Variants in COLEC10 observed in about 807,000 individuals in gnomAD.
The protein encoded by COLEC10 is collectin-10.
Under a neutral mutation model 28.4 loss-of-function variants are expected in COLEC10, and 22 were observed. That is an observed-to-expected ratio of 0.78 (90% CI 0.55 to 1.11). The LOEUF (loss-of-function observed/expected upper bound fraction) is 1.11, where lower values mean the gene tolerates loss of function less well. Ranked by LOEUF, COLEC10 falls within the 50% of genes least tolerant of loss-of-function variation. The pLI is 0.00. For synonymous variants in COLEC10, 125 were observed against 116.1 expected (o/e 1.08, Z -0.49); for missense variants, 361 against 344.1 (o/e 1.05, Z -0.39).
chr8:118,987,881 A>G, the COLEC10 span, among the ~76,000 whole-genome samples: 4 of 152,198 alleles, frequency 2.6e-5, no homozygotes, highest in Non-Finnish European at 4.4e-5. Context: ...TAAAAATAAT[A>G]AATAGTCTTT....
chr8:119,026,187 A>G (rs1410649467), intron 2 of COLEC10, among the ~76,000 whole-genome samples: 1 of 152,158 alleles, frequency 6.6e-6, no homozygotes, highest in Non-Finnish European at 1.5e-5. Flanking sequence ...TTGTCCTTTT[A>G]TGAATAATTT....
At chr8:119,086,969 T>A (rs1028872767) in intron 1 of COLEC10, among the ~76,000 whole-genome samples, 2 of 152,196 alleles carry the variant, frequency 1.3e-5, no homozygotes, top group African/African-American at 4.8e-5. Flanking sequence ...TTATGAGTTA[T>A]GTGACCTTGG....
chr8:119,069,658 A>ATATATATATATATATATATATATG (rs1205061377), intron 1 of COLEC10, among the ~76,000 whole-genome samples: 1 of 122,780 alleles, frequency 8.1e-6, no homozygotes, highest in Non-Finnish European at 1.7e-5. Context: ...ATATATATAT[A>ATATATATATATATATATATATATG]TATGTAAACT....
chr8:119,105,696 C>A (rs1451082252), intron 5 of COLEC10, 104 bp from the exon 6 acceptor site: 48 of 1,097,438 alleles, frequency 4.4e-5, no homozygotes, highest in South Asian at 1.2e-4. Context: ...AAAAATAATT[C>A]TTGAATATTG....
intron 1 of COLEC10, among the ~76,000 whole-genome samples, chr8:119,008,836 C>A (rs1479434865): frequency 6.6e-6 from 1 of 151,036 alleles, no homozygotes; most frequent in African/African-American, 2.5e-5. Flanking sequence ...GTAACTACCC[C>A]CTCTTGAATT....
chr8:118,982,031 T>C, the COLEC10 span, among the ~76,000 whole-genome samples: 2 of 152,088 alleles, frequency 1.3e-5, no homozygotes, highest in East Asian at 3.9e-4. Context: ...ATAGTTTTAT[T>C]GTTAATTATT....
intron 1 of COLEC10, among the ~76,000 whole-genome samples, chr8:119,000,970 G>A (rs1281749702): frequency 2.6e-5 from 4 of 152,078 alleles, no homozygotes; most frequent in African/African-American, 9.7e-5. Flanking sequence ...ATTCACTTAG[G>A]AGAAAAGGTA....
intron 3 of COLEC10, among the ~76,000 whole-genome samples, chr8:119,096,434 A>ATGGGGTG (rs1815719393): frequency 6.7e-6 from 1 of 150,266 alleles, no homozygotes; most frequent in Admixed American, 6.6e-5. Context: ...TCTACTAAAA[A>ATGGGGTG]TGCAAAATTA....
intron 1 of COLEC10, among the ~76,000 whole-genome samples, chr8:119,077,854 A>C (rs1815282846): frequency 6.6e-6 from 1 of 152,194 alleles, no homozygotes; most frequent in Non-Finnish European, 1.5e-5. Flanking sequence ...TTGCCATAAT[A>C]TGAAGGAATA....
chr8:119,046,237 C>CT lies in COLEC10; in HGVS notation n.235+36693dup, dbSNP rs142719892. ...ACCACTGTCTGTCTCCATTTGTGAT[C>CT]TTTTTTTTTCTCTTTTAGTTAATGT... On this transcript the variant is annotated intron_variant and non_coding_transcript_variant, in intron 2 of 6. Coordinates refer to the COLEC10 transcript ENST00000521788. 1.1e-4 allele frequency among the ~76,000 whole-genome samples: 16 copies of CT among 151,584 alleles called. No homozygotes were observed. In the East Asian group the frequency reaches 1.2e-3, roughly 11 times the overall value.
chr8:119,073,440 G>A (rs1264938791), intron 1 of COLEC10, among the ~76,000 whole-genome samples: 1 of 152,142 alleles, frequency 6.6e-6, no homozygotes, highest in Non-Finnish European at 1.5e-5. Flanking sequence ...ATCAGAAAGG[G>A]TAAACAACTA....
At chr8:118,969,448 C>T in the COLEC10 span, among the ~76,000 whole-genome samples, 1 of 152,148 alleles carries the variant, frequency 6.6e-6, no homozygotes, top group African/African-American at 2.4e-5. Context: ...CATTTATTCA[C>T]TCATTCAACA....
At chr8:119,096,550 C>T (rs1417052151) in intron 3 of COLEC10, among the ~76,000 whole-genome samples, 2 of 152,008 alleles carry the variant, frequency 1.3e-5, no homozygotes, top group Non-Finnish European at 2.9e-5. Flanking sequence ...AAGATCACAC[C>T]ACTGCCCTCC....
chr8:118,980,554 G>A, the COLEC10 span, among the ~76,000 whole-genome samples: 11 of 152,064 alleles, frequency 7.2e-5, no homozygotes, highest in East Asian at 1.2e-3. Context: ...AGTTAAGGAA[G>A]TTCCATTATA....
At chr8:119,099,759 C>T (rs73712721) in intron 3 of COLEC10, among the ~76,000 whole-genome samples, 10,863 of 151,940 alleles carry the variant, frequency 0.071, 790 homozygotes, top group African/African-American at 0.19. Context: ...TCAGTGAAGC[C>T]TTCTCCACTC....
intron 1 of COLEC10, among the ~76,000 whole-genome samples, chr8:119,082,051 T>C (rs1252909710): frequency 6.6e-6 from 1 of 151,924 alleles, no homozygotes; most frequent in Admixed American, 6.6e-5. Context: ...GCAGCAGGGA[T>C]GGGAGGAAAA....
intron 1 of COLEC10, among the ~76,000 whole-genome samples, chr8:119,077,243 ATTTT>A (rs762180766): frequency 0.052 from 4,700 of 89,944 alleles, 91 homozygotes; most frequent in East Asian, 0.23. Context: ...GTAGAGAATG[ATTTT>A]TTTTTTTTTT....
chr8:119,071,060 T>C (rs1252360734), intron 1 of COLEC10, among the ~76,000 whole-genome samples: 1 of 152,130 alleles, frequency 6.6e-6, no homozygotes, highest in Non-Finnish European at 1.5e-5. Context: ...TAGTTTATAC[T>C]AGTTATATAT....
chr8:119,094,934 G>A (rs764454475), intron 3 of COLEC10, among the ~76,000 whole-genome samples: 2 of 152,072 alleles, frequency 1.3e-5, no homozygotes, highest in Non-Finnish European at 2.9e-5. Context: ...TCCTGAGACT[G>A]GGAATGAAAT....
Sources: allele counts gnomAD v4.1 joint callset (sites outside exome capture counted in the v4.1 genomes callset), GRCh38; gene constraint gnomAD v4.1.1; transcripts MANE v1.5; gene names NCBI Gene and HGNC (gene_info 2026-07-23, HGNC 2026-07-21).